Variants in BMPR1B observed in about 807,000 individuals in gnomAD.
BMPR1B encodes the protein bone morphogenetic protein receptor type-1B.
A neutral mutation model predicts 59.1 loss-of-function variants in BMPR1B; 12 were observed. The ratio of observed to expected loss-of-function variants is 0.20; its 90% CI spans 0.13 to 0.33. BMPR1B has a LOEUF of 0.33. Ranked by LOEUF, BMPR1B falls within the 10% of genes least tolerant of loss-of-function variation. The pLI, the probability that BMPR1B is intolerant of heterozygous loss-of-function variation, is 1.00. For missense variants in BMPR1B, 550 were observed against 610.9 expected (o/e 0.90, Z 1.05); for synonymous variants, 237 against 207.3 (o/e 1.14, Z -1.23).
At chr4:94,814,441 G>C (rs35243477) in intron 1 of BMPR1B, among the ~76,000 whole-genome samples, 6 of 152,198 alleles carry the variant, frequency 3.9e-5, no homozygotes, top group African/African-American at 1.4e-4. Flanking sequence ...CATACAGTGA[G>C]TGCCAAAGAG....
chr4:95,106,063 A>C (rs1316374316), intron 4 of BMPR1B, among the ~76,000 whole-genome samples: 1 of 151,936 alleles, frequency 6.6e-6, no homozygotes, highest in Non-Finnish European at 1.5e-5. Context: ...CAGTCAGGGT[A>C]TCTGCAGTGG....
chr4:94,894,504 A>G (rs1727516171), intron 2 of BMPR1B, among the ~76,000 whole-genome samples: 1 of 151,958 alleles, frequency 6.6e-6, no homozygotes, highest in Non-Finnish European at 1.5e-5. Flanking sequence ...GAGTTTCCAT[A>G]TAGTCTCAGG....
In BMPR1B at chr4:95,157,812, C is replaced by T. The variant is rs1735524459; in HGVS notation, c.*3139C>T. 1 of 151,978 alleles carries T rather than the reference C, an allele frequency of 6.6e-6. No homozygotes were observed. The highest frequency in any genetic ancestry group is 1.5e-5 in the Non-Finnish European group (1 of 67,978). The allele number at this position is 151,978 out of a possible 1,614,324, so 9.4% of individuals were successfully genotyped here. ...GACCATTATGTATGAGGAAACAGGC[C>T]TTTGACCTCCTGGAAAGCACTGCTC... On this transcript the variant is annotated 3_prime_UTR_variant, in exon 13 of 13. Coordinates refer to ENST00000515059, the MANE Select transcript of BMPR1B (RefSeq NM_001203.3).
chr4:94,805,235 G>GA (rs1464145067), intron 1 of BMPR1B, among the ~76,000 whole-genome samples: 2 of 152,100 alleles, frequency 1.3e-5, no homozygotes, highest in Non-Finnish European at 2.9e-5. Context: ...GTGAGCGCTA[G>GA]AATATAATTT....
chr4:95,136,879 T>C (rs1352676469), intron 10 of BMPR1B, among the ~76,000 whole-genome samples: 1 of 152,190 alleles, frequency 6.6e-6, no homozygotes, highest in Non-Finnish European at 1.5e-5. Context: ...ATTCATTGAT[T>C]TTTTGAAGGG....
chr4:95,032,424 A>G (rs1169484198), intron 3 of BMPR1B, among the ~76,000 whole-genome samples: 1 of 152,116 alleles, frequency 6.6e-6, no homozygotes, highest in Non-Finnish European at 1.5e-5. Context: ...CCACCTCTAA[A>G]TACTGTAACA....
At position 94,825,339 on chromosome 4, in the gene BMPR1B, C is replaced by G. The variant is rs148738569; in HGVS notation, c.-182-50492C>G. Among the ~76,000 whole-genome samples, 563 of 151,854 alleles carry G rather than the reference C, an allele frequency of 3.7e-3. 5 individuals carry two copies. Among genetic ancestry groups the G allele is most frequent in the African/African-American group, 0.012 (502 of 41,398 alleles). The stretch of plus-strand genomic sequence containing the variant: ...GCAAGAAAGTGAGAGGTCATCTTTA[C>G]GAAAAATTTTTAAAAATTAGCTGAG... On this transcript the variant is annotated intron_variant, in intron 1 of 12. Transcript: ENST00000515059.
At chr4:94,838,921 A>G (rs1174782501) in intron 1 of BMPR1B, among the ~76,000 whole-genome samples, 2 of 140,560 alleles carry the variant, frequency 1.4e-5, no homozygotes, top group African/African-American at 5.4e-5. Flanking sequence ...CTCTCTACAC[A>G]CTGCTTTGAA....
rs1553923782 is a variant in BMPR1B at position 94,981,005 on chromosome 4, A to ATGCGCGCG, written c.-112-15035_-112-15034insTGCGCGCG. 5.0e-3 allele frequency among the ~76,000 whole-genome samples: 619 copies of ATGCGCGCG among 122,798 alleles called. 5 individuals are homozygous for ATGCGCGCG. The highest frequency in any genetic ancestry group is 0.01 in the African/African-American group (308 of 29,804). The allele number at this position is 122,798 out of a possible 152,430, so 80.6% of individuals were successfully genotyped here. A position where few individuals can be genotyped will look rare whatever the true frequency, so the allele number is the denominator to read the frequency against. ...GCAAGACTCCATCACACACACACACACACACACACACACACACAAAAAGTA... is the reference window on the plus strand; with the variant it reads ...GCAAGACTCCATCACACACACACACATGCGCGCGCACACACACACACACACAAAAAGTA... On this transcript the variant is annotated intron_variant, in intron 2 of 12. Coordinates refer to ENST00000515059, the MANE Select transcript of BMPR1B (RefSeq NM_001203.3).
intron 1 of BMPR1B, among the ~76,000 whole-genome samples, chr4:94,762,971 T>TA (rs1341559823): frequency 6.6e-6 from 1 of 152,062 alleles, no homozygotes; most frequent in African/African-American, 2.4e-5. Flanking sequence ...AGCACCTTCT[T>TA]AGAGTTCCCA....
chr4:95,137,075 G>T lies in BMPR1B; in HGVS notation c.1076+5563G>T, dbSNP rs534817657. Among the ~76,000 whole-genome samples, 3 of 152,242 alleles carry T rather than the reference G, an allele frequency of 2.0e-5. No individual in the cohort carries two copies. In the South Asian group the frequency reaches 6.2e-4, roughly 32 times the overall value. ...TGCTATGAATTTCCTTCTACACACT[G>T]CTTTAAATGTGTCCCAGAGATTCTG... On this transcript the variant is annotated intron_variant, in intron 10 of 12. Coordinates refer to ENST00000515059, the MANE Select transcript of BMPR1B (RefSeq NM_001203.3).
At chr4:94,888,541 A>G (rs1194423731) in intron 2 of BMPR1B, among the ~76,000 whole-genome samples, 1 of 152,078 alleles carries the variant, frequency 6.6e-6, no homozygotes, top group Non-Finnish European at 1.5e-5. Context: ...AACACCTTCT[A>G]AACATTATTT....
intron 1 of BMPR1B, among the ~76,000 whole-genome samples, chr4:94,761,729 A>G (rs1310251344): frequency 6.6e-6 from 1 of 152,194 alleles, no homozygotes; most frequent in Non-Finnish European, 1.5e-5. Context: ...AAATATGGGT[A>G]TTCAGAGGAT....
chr4:95,134,869 G>C lies in BMPR1B; in HGVS notation c.1076+3357G>C, dbSNP rs1733653437. Among the ~76,000 whole-genome samples the C allele has an allele frequency of 3.9e-5, 6 of 152,260 alleles. No individual in the cohort carries two copies. The South Asian group carries it at 1.2e-3, about 32-fold the overall frequency. On this transcript the variant is annotated intron_variant, in intron 10 of 12. Transcript: ENST00000515059. ...GTGCAGAAGCTCTTTAGTTTAATTA[G>C]ATCCCATTTGTCAATTTTGGCTTTT...
At position 95,057,140 on chromosome 4, in the gene BMPR1B, A is replaced by G. The variant is rs186059385; in HGVS notation, c.-17-47268A>G. The stretch of plus-strand genomic sequence containing the variant: ...ACAGGCTTGGTGTATAGAGGAATCT[A>G]TGTCCCTGGACATACTTATAGTTTC... On this transcript the variant is annotated intron_variant, in intron 3 of 12. Transcript: ENST00000515059. Among the ~76,000 whole-genome samples, 861 of 152,304 alleles carry G rather than the reference A, an allele frequency of 5.7e-3. 4 individuals are homozygous for G. Among genetic ancestry groups the G allele is most frequent in the Non-Finnish European group, 7.0e-3 (473 of 68,022 alleles).
intron 2 of BMPR1B, among the ~76,000 whole-genome samples, chr4:94,944,681 A>G (rs955939232): frequency 6.6e-6 from 1 of 152,226 alleles, no homozygotes; most frequent in African/African-American, 2.4e-5. Context: ...TCTAGTGGTA[A>G]GTGAAGCTTA....
At chr4:94,970,744 G>T (rs576567318) in intron 2 of BMPR1B, among the ~76,000 whole-genome samples, 221 of 152,136 alleles carry the variant, frequency 1.5e-3, no homozygotes, top group African/African-American at 4.9e-3. Flanking sequence ...TCAGTAATTG[G>T]GATATATATC....
At chr4:95,067,188 G>T (rs73838013) in intron 3 of BMPR1B, among the ~76,000 whole-genome samples, 7,114 of 152,072 alleles carry the variant, frequency 0.047, 565 homozygotes, top group African/African-American at 0.16. Flanking sequence ...TCCCTAAACT[G>T]GTAGCATTTT....
At chr4:94,857,942 A>ATT (rs139421158) in intron 1 of BMPR1B, among the ~76,000 whole-genome samples, 17,625 of 152,070 alleles carry the variant, frequency 0.12, 1,075 homozygotes, top group Non-Finnish European at 0.14. Flanking sequence ...TTTACTTTTT[A>ATT]TTTTTATTTT....
Sources: allele counts gnomAD v4.1 joint callset (sites outside exome capture counted in the v4.1 genomes callset), GRCh38; gene constraint gnomAD v4.1.1; transcripts MANE v1.5; gene names NCBI Gene and HGNC (gene_info 2026-07-23, HGNC 2026-07-21).